The following EAF1 variants were observed in gnomAD, a reference collection of about 807,000 sequenced individuals.
EAF1 encodes ELL associated factor 1.
A neutral mutation model predicts 26.6 loss-of-function variants in EAF1; 19 were observed. That is an observed-to-expected ratio of 0.71 (90% CI 0.50 to 1.05). The LOEUF is 1.05. Among genes scored for constraint, EAF1 ranks in the 50% least tolerant of loss-of-function variants. The probability of loss-of-function intolerance (pLI) is 0.00; values close to 1 mark genes in which losing one functional copy is unlikely to be tolerated. For missense variants in EAF1, 260 were observed against 335.5 expected, an observed-to-expected ratio of 0.78 and a Z score of 1.76; for synonymous variants, 102 against 120.6, an observed-to-expected ratio of 0.85 and a Z score of 1.01.
At chr3:15,427,963 G>A in intron 1 of EAF1, 81 bp downstream of exon 1, 1 of 1,180,970 alleles carries the variant, frequency 8.5e-7, no homozygotes, top group Non-Finnish European at 1.2e-6. Context: ...TCTTCCCTCG[G>A]CCCTTCAGAT....
intron 5 of EAF1, chr3:15,436,792 C>T (rs143887601): frequency 3.2e-5 from 14 of 433,392 alleles, no homozygotes; most frequent in South Asian, 2.1e-4. Context: ...TGGCTCATAC[C>T]GGTGTTTGTG....
chr3:15,438,171 A>G (rs1160004661), intron 5 of EAF1, among the ~76,000 whole-genome samples: 1 of 152,204 alleles, frequency 6.6e-6, no homozygotes, highest in East Asian at 1.9e-4. Context: ...AAATAAAGAA[A>G]ATCACTTTTG....
At chr3:15,434,308 A>G (rs1167275910) in intron 3 of EAF1, 40 bp from the exon 4 acceptor site, 8 of 1,601,920 alleles carry the variant, frequency 5.0e-6, no homozygotes, top group East Asian at 2.2e-5. Flanking sequence ...GAGAACCACT[A>G]TTTTTGCCCT....
rs1387809775 is a variant in EAF1 at position 15,442,184 on chromosome 3, C to T, written c.*3029C>T. On this transcript the variant is annotated 3_prime_UTR_variant, in exon 6 of 6. Coordinates refer to ENST00000396842, the MANE Select transcript of EAF1 (RefSeq NM_033083.7). ...TGAAAATTCCAAAATCCTTATTTTC[C>T]TATTTGAGAGGCTGGTTCAGCAGGG... is the stretch of plus-strand genomic sequence containing the variant. The T allele has an allele frequency of 1.3e-5, 2 of 151,192 alleles. No homozygotes were observed. The highest frequency in any genetic ancestry group is 4.9e-5 in the African/African-American group (2 of 40,738). 9.4% of individuals were successfully genotyped at this position (151,192 alleles called of 1,614,324 possible).
chr3:15,429,533 T>G (rs1445873433), intron 1 of EAF1, among the ~76,000 whole-genome samples: 1 of 152,208 alleles, frequency 6.6e-6, no homozygotes, highest in Non-Finnish European at 1.5e-5. Context: ...CAACTTATTA[T>G]GGATGATGAG....
At chr3:15,437,639 AATTT>A (rs2061843512) in intron 5 of EAF1, among the ~76,000 whole-genome samples, 1 of 152,086 alleles carries the variant, frequency 6.6e-6, no homozygotes, top group African/African-American at 2.4e-5. Flanking sequence ...CAAGAACAAA[AATTT>A]ATTTGTTTTG....
chr3:15,430,047 A>G (rs768465854), intron 2 of EAF1, 40 bp downstream of exon 2: 12 of 1,324,978 alleles, frequency 9.1e-6, no homozygotes, highest in African/African-American at 6.0e-5. Flanking sequence ...TAAGATCACA[A>G]TGAATCTTTG....
At chr3:15,429,742 C>T (rs1173172933) in intron 1 of EAF1, among the ~76,000 whole-genome samples, 171 bp from the exon 2 acceptor site, 1 of 152,200 alleles carries the variant, frequency 6.6e-6, no homozygotes. Context: ...ACGATTCTCT[C>T]TACTTTTGTG....
chr3:15,434,351 T>C lies in EAF1; in HGVS notation c.339T>C (p.Ala113=). Residue 113 remains alanine (A), a synonymous_variant, in exon 4 of 6, where the codon GCT becomes GCC. Coordinates refer to ENST00000396842, the MANE Select transcript of EAF1 (RefSeq NM_033083.7). ...SSSIQVKKTR[A]EGSSKIQARM... The stretch of plus-strand genomic sequence containing the variant: ...TAATGTCTGTATCTCCTTTCAGAGC[T>C]GAGGGCAGCAGTAAAATCCAGGCCC... 6.2e-7 allele frequency: 1 copy of C among 1,614,066 alleles called. No homozygotes were observed. The highest frequency in any genetic ancestry group is 8.5e-7 in the Non-Finnish European group (1 of 1,179,916).
chr3:15,437,851 A>C (rs539081550), intron 5 of EAF1, among the ~76,000 whole-genome samples: 118 of 152,182 alleles, frequency 7.8e-4, no homozygotes, highest in African/African-American at 2.7e-3. Flanking sequence ...GGGCAAGATA[A>C]GTCTTCTTTG....
At chr3:15,432,250 A>G in intron 3 of EAF1, 27 bp downstream of exon 3, 2 of 1,612,708 alleles carry the variant, frequency 1.2e-6, no homozygotes, top group Non-Finnish European at 1.7e-6. Context: ...ATGCAGGTTT[A>G]TATCATGTTT....
chr3:15,440,199 T>C lies in EAF1; in HGVS notation c.*1044T>C, dbSNP rs546389717. The C allele has an allele frequency of 1.1e-4, 17 of 152,350 alleles. No homozygotes were observed. In the South Asian group the frequency reaches 3.1e-3, roughly 28 times the overall value. The allele number at this position is 152,350 out of a possible 1,614,324, so 9.4% of individuals were successfully genotyped here. A position where few individuals can be genotyped will look rare whatever the true frequency, so the allele number is the denominator to read the frequency against. Reference sequence around the variant, plus strand: ...GAATCTAGATAGAAGTTCTGCAATATGAAATGAGCACATTCTTTGATAAGG... The same window carrying C: ...GAATCTAGATAGAAGTTCTGCAATACGAAATGAGCACATTCTTTGATAAGG... On this transcript the variant is annotated 3_prime_UTR_variant, in exon 6 of 6. Coordinates refer to ENST00000396842, the MANE Select transcript of EAF1 (RefSeq NM_033083.7).
chr3:15,433,233 TAAAAAAAAAAA>T (rs11328510), intron 3 of EAF1: 2 of 94,134 alleles, frequency 2.1e-5, no homozygotes, highest in Non-Finnish European at 4.4e-5. Flanking sequence ...TGCTATTATC[TAAAAAAAAAAA>T]AAAAAAAAAA....
Position 15,430,006 on chromosome 3 carries a change from C to CTT in EAF1, c.198_198+1insTT (p.Gly67LeufsTer7), listed in dbSNP as rs1187952238. ...GTCACAATTACACTGCCACATATCCCTGTGAGTTTATTTCATTTTTTTTTT... is the reference window on the plus strand; with the variant it reads ...GTCACAATTACACTGCCACATATCCCTTTGTGAGTTTATTTCATTTTTTTTTT... On this transcript the variant is annotated frameshift_variant and splice_region_variant, in exon 2 of 6. Coordinates refer to ENST00000396842, the MANE Select transcript of EAF1 (RefSeq NM_033083.7). LOFTEE classifies it high-confidence loss of function. 6.3e-7 allele frequency: 1 copy of CTT among 1,579,970 alleles called. No individual in the cohort carries two copies. Among genetic ancestry groups the CTT allele is most frequent in the Non-Finnish European group, 8.6e-7 (1 of 1,162,084 alleles).
At chr3:15,431,943 G>A in intron 2 of EAF1, 144 bp from the exon 3 acceptor site, 1 of 925,476 alleles carries the variant, frequency 1.1e-6, no homozygotes, top group South Asian at 2.6e-5. Context: ...GAAACCAGAA[G>A]GAGATAAAAT....
At position 15,432,275 on chromosome 3, in the gene EAF1, T is replaced by C. The variant is rs765307498; in HGVS notation, c.335+52T>C. ...ATATCATGTTTCCAAACCTCTGTTA[T>C]CTATTCAGTTTTTATAAGGTTGTGA... On this transcript the variant is annotated intron_variant, in intron 3 of 5. Transcript: ENST00000396842. 1.9e-5 allele frequency: 30 copies of C among 1,599,932 alleles called. No individual in the cohort carries two copies. In the Middle Eastern group the frequency reaches 6.7e-4, roughly 36 times the overall value.
chr3:15,436,029 A>C, intron 4 of EAF1: 1 of 182,572 alleles, frequency 5.5e-6, no homozygotes, highest in South Asian at 1.5e-4. Flanking sequence ...CATAATATTC[A>C]TAATTTTTCT....
chr3:15,434,370 C>A lies in EAF1; in HGVS notation c.358C>A (p.Gln120Lys). 6.2e-7 allele frequency: 1 copy of A among 1,614,082 alleles called. No homozygotes were observed. ...CAGAGCTGAGGGCAGCAGTAAAATC[C>A]AGGCCCGAATGGAACAGCAGCCCAC... ...KTRAEGSSKI[Q>K]ARMEQQPTRP... The change falls in exon 4 of 6, where the codon CAG (glutamine) becomes AAG (lysine). Residue 120 changes from glutamine (Q) to lysine (K), a missense_variant. Coordinates refer to ENST00000396842, the MANE Select transcript of EAF1 (RefSeq NM_033083.7).
At chr3:15,431,907 A>G (rs41284031) in intron 2 of EAF1, among the ~76,000 whole-genome samples, 180 bp from the exon 3 acceptor site, 3,356 of 152,298 alleles carry the variant, frequency 0.022, 73 homozygotes, top group Middle Eastern at 0.037. Context: ...TTCTTGCTAT[A>G]TTATTTCTCC....
Sources: allele counts gnomAD v4.1 joint callset (sites outside exome capture counted in the v4.1 genomes callset), GRCh38; gene constraint gnomAD v4.1.1; transcripts MANE v1.5; gene names NCBI Gene and HGNC (gene_info 2026-07-23, HGNC 2026-07-21).